Variants in BCAS3 observed in about 807,000 individuals in gnomAD.
The protein encoded by BCAS3 is BCAS4/BCAS3 fusion.
Under a neutral mutation model 116.1 loss-of-function variants are expected in BCAS3, and 53 were observed. That is an observed-to-expected ratio of 0.46 (90% CI 0.37 to 0.57). BCAS3 has a LOEUF of 0.57. Among genes scored for constraint, BCAS3 ranks in the 20% least tolerant of loss-of-function variants. The pLI is 0.00. For missense variants in BCAS3, 917 were observed against 1,165.4 expected (o/e 0.79, Z 3.10); for synonymous variants, 391 against 408.2 (o/e 0.96, Z 0.51).
intron 22 of BCAS3, among the ~76,000 whole-genome samples, chr17:61,195,493 G>A (rs575375074): frequency 3.3e-5 from 5 of 152,092 alleles, no homozygotes; most frequent in African/African-American, 1.2e-4. Context: ...CCAAGTAGCT[G>A]GGACTGTAGG....
Position 61,392,098 on chromosome 17 carries a change from C to T in BCAS3, c.2715C>T (p.Leu905=), listed in dbSNP as rs2060164952. The T allele has an allele frequency of 1.2e-6, 2 of 1,613,664 alleles. No homozygotes were observed. The highest frequency in any genetic ancestry group is 1.7e-6 in the Non-Finnish European group (2 of 1,179,976). ...SPLPTNESQP[L]SLFPTGFP ...TGCCCACCAATGAGAGCCAGCCCCT[C>T]AGCCTCTTCCCGACTGGCTTCCCGT... The change falls in exon 24 of 24, where the codon CTC becomes CTT. Residue 905 remains leucine (L), a synonymous_variant. Transcript: ENST00000407086. This position sits in a 1 kb window ranked among gnomAD's most constrained non-coding sequence, Gnocchi z 6.4.
Position 60,738,840 on chromosome 17 carries a change from C to T in BCAS3, c.322-8358C>T, listed in dbSNP as rs938501874. On this transcript the variant is annotated intron_variant, in intron 5 of 23. Transcript: ENST00000407086. Reference sequence around the variant, plus strand: ...GCATGAACATAGCTCACTGTAGCCTCGAACTCCTGGGCTTAATTGATCCTC... The same window carrying T: ...GCATGAACATAGCTCACTGTAGCCTTGAACTCCTGGGCTTAATTGATCCTC... Among the ~76,000 whole-genome samples the T allele has an allele frequency of 4.6e-5, 7 of 152,146 alleles. No homozygotes were observed. The South Asian group carries it at 8.3e-4, about 18-fold the overall frequency.
Position 61,244,491 on chromosome 17 carries a change from T to TA in BCAS3, c.2426-123832dup, listed in dbSNP as rs1475848180. 1.3e-5 allele frequency among the ~76,000 whole-genome samples: 2 copies of TA among 152,190 alleles called. No individual in the cohort carries two copies. Among genetic ancestry groups the TA allele is most frequent in the Non-Finnish European group, 2.9e-5 (2 of 68,038 alleles). ...TGTGTTACAAAAGAATAACAATAGG[T>TA]AAAATTCAGAGTATTATTTTAATTT... On this transcript the variant is annotated intron_variant, in intron 22 of 23. Transcript: ENST00000407086. This position sits in a 1 kb window ranked among gnomAD's most constrained non-coding sequence, Gnocchi z 4.9.
rs1188522900 is a variant in BCAS3 at position 61,140,213 on chromosome 17, G to T, written c.2425+55649G>T. ...GATCACACCACTGCACTCCAGCCTG[G>T]GTGACAGAGCAAGACTCCATCTCAA... On this transcript the variant is annotated intron_variant, in intron 22 of 23. Transcript: ENST00000407086. This position sits in a 1 kb window ranked among gnomAD's most constrained non-coding sequence, Gnocchi z 4.2. 6.6e-6 allele frequency among the ~76,000 whole-genome samples: 1 copy of T among 152,144 alleles called. No homozygotes were observed. The highest frequency in any genetic ancestry group is 6.5e-5 in the Admixed American group (1 of 15,272).
At chr17:61,284,245 C>T (rs186071561) in intron 22 of BCAS3, among the ~76,000 whole-genome samples, 1 of 152,238 alleles carries the variant, frequency 6.6e-6, no homozygotes, top group East Asian at 1.9e-4. Context: ...CACCAGCAGT[C>T]GCAAACCTGC....
In BCAS3 at chr17:61,131,506, A is replaced by T. The variant is rs1382300667; in HGVS notation, c.2425+46942A>T. Among the ~76,000 whole-genome samples, 1 of 152,278 alleles carries T rather than the reference A, an allele frequency of 6.6e-6. No individual in the cohort carries two copies. The highest frequency in any genetic ancestry group is 6.5e-5 in the Admixed American group (1 of 15,292). On this transcript the variant is annotated intron_variant, in intron 22 of 23. Coordinates refer to ENST00000407086, the MANE Select transcript of BCAS3 (RefSeq NM_017679.5). The surrounding 1 kb of genome is among the most constrained non-coding windows in gnomAD (Gnocchi z 4.4). ...TACGCTTAAAATGAAATTATATTCC[A>T]AACTCATAATTAAGTATGAACAATT...
rs181984500 is a variant in BCAS3 at position 60,988,557 on chromosome 17, A to G, written c.1222-1414A>G. ...TTTTCTTTGCTGGGAGACTTATTAC[A>G]TCTTCAGTCGCATTACTTGTTACTG... is the stretch of plus-strand genomic sequence containing the variant. On this transcript the variant is annotated intron_variant, in intron 14 of 23. Transcript: ENST00000407086. 3.3e-5 allele frequency among the ~76,000 whole-genome samples: 5 copies of G among 151,996 alleles called. No homozygotes were observed. The East Asian group carries it at 5.8e-4, about 18-fold the overall frequency.
At chr17:61,099,769 A>T (rs1601227022) in intron 22 of BCAS3, among the ~76,000 whole-genome samples, 1 of 152,218 alleles carries the variant, frequency 6.6e-6, no homozygotes, top group East Asian at 1.9e-4. Context: ...AAAAGAATGG[A>T]CAGGCTTTTG....
chr17:61,093,813 G>T (rs2073788814), intron 22 of BCAS3, among the ~76,000 whole-genome samples: 1 of 152,018 alleles, frequency 6.6e-6, no homozygotes, highest in Non-Finnish European at 1.5e-5. Context: ...TAGATGTTTA[G>T]TAAGTTTTGA....
intron 22 of BCAS3, among the ~76,000 whole-genome samples, chr17:61,091,988 C>T (rs1023264726): frequency 8.5e-5 from 13 of 152,150 alleles, no homozygotes; most frequent in Non-Finnish European, 1.5e-4. Context: ...AGAATATTTC[C>T]GTCAACCCAG....
At chr17:61,328,584 G>C (rs1011522684) in intron 22 of BCAS3, among the ~76,000 whole-genome samples, 1 of 152,110 alleles carries the variant, frequency 6.6e-6, no homozygotes, top group Non-Finnish European at 1.5e-5. Flanking sequence ...CTGGCAACAT[G>C]GCGAAACTCC....
chr17:61,024,676 T>A (rs138711854), intron 16 of BCAS3, among the ~76,000 whole-genome samples: 109 of 152,094 alleles, frequency 7.2e-4, no homozygotes, highest in Middle Eastern at 6.8e-3. Context: ...ATATTTTTCT[T>A]TGGCTAACGT....
chr17:60,695,770 T>A (rs939726939), intron 4 of BCAS3, among the ~76,000 whole-genome samples: 3 of 152,026 alleles, frequency 2.0e-5, no homozygotes, highest in African/African-American at 7.2e-5. Context: ...AGCTTATTTT[T>A]AAATTTTTTG....
At chr17:61,179,088 T>C (rs1453165459) in intron 22 of BCAS3, among the ~76,000 whole-genome samples, 1 of 152,002 alleles carries the variant, frequency 6.6e-6, no homozygotes, top group African/African-American at 2.4e-5. Context: ...TAGCATTTTT[T>C]ATTAAAAAAA....
In BCAS3 at chr17:61,235,434, C is replaced by T. The variant is rs114943942; in HGVS notation, c.2426-132893C>T. Among the ~76,000 whole-genome samples the T allele has an allele frequency of 0.011, 1,671 of 152,260 alleles. 35 individuals carry two copies. The highest frequency in any genetic ancestry group is 0.036 in the African/African-American group (1,497 of 41,544). Reference sequence around the variant, plus strand: ...GATTGAGCCACTCGAGTTGCTTATGCATGAATGTGCTTGTTTAGCAGGTAG... The same window carrying T: ...GATTGAGCCACTCGAGTTGCTTATGTATGAATGTGCTTGTTTAGCAGGTAG... On this transcript the variant is annotated intron_variant, in intron 22 of 23. Transcript: ENST00000407086. This position sits in a 1 kb window ranked among gnomAD's most constrained non-coding sequence, Gnocchi z 5.0.
chr17:61,128,956 T>C lies in BCAS3; in HGVS notation c.2425+44392T>C, dbSNP rs578239217. On this transcript the variant is annotated intron_variant, in intron 22 of 23. Transcript: ENST00000407086. This position sits in a 1 kb window ranked among gnomAD's most constrained non-coding sequence, Gnocchi z 4.1. The stretch of plus-strand genomic sequence containing the variant: ...AGGTGGAGAGGGGGACAGGGCTATA[T>C]TGAGTTCTCCGCAGTTTTCTAACAG... Among the ~76,000 whole-genome samples, 2 of 152,206 alleles carry C rather than the reference T, an allele frequency of 1.3e-5. No individual in the cohort carries two copies. The highest frequency in any genetic ancestry group is 2.9e-5 in the Non-Finnish European group (2 of 68,032).
At chr17:61,236,361 C>T (rs970053342) in intron 22 of BCAS3, among the ~76,000 whole-genome samples, 3 of 152,130 alleles carry the variant, frequency 2.0e-5, no homozygotes, top group African/African-American at 7.2e-5. Flanking sequence ...GCTCTGTCAC[C>T]CAGGCTGGAG....
chr17:61,226,734 AT>A lies in BCAS3; in HGVS notation c.2426-141592del, dbSNP rs2082391272. Among the ~76,000 whole-genome samples the A allele has an allele frequency of 6.6e-6, 1 of 152,136 alleles. No individual in the cohort carries two copies. The highest frequency in any genetic ancestry group is 6.5e-5 in the Admixed American group (1 of 15,274). On this transcript the variant is annotated intron_variant, in intron 22 of 23. Transcript: ENST00000407086. The surrounding 1 kb of genome is among the most constrained non-coding windows in gnomAD (Gnocchi z 6.0). ...TTAGAAACCTTTAATTGACTACCTA[AT>A]ATGTGCCAGATACCCATAGCTTTAC...
chr17:61,034,419 T>G lies in BCAS3; in HGVS notation c.1638-247T>G, dbSNP rs1386308923. Among the ~76,000 whole-genome samples, 1 of 152,202 alleles carries G rather than the reference T, an allele frequency of 6.6e-6. No individual in the cohort carries two copies. Among genetic ancestry groups the G allele is most frequent in the East Asian group, 1.9e-4 (1 of 5,192 alleles). On this transcript the variant is annotated intron_variant, in intron 16 of 23. Transcript: ENST00000407086. This position sits in a 1 kb window ranked among gnomAD's most constrained non-coding sequence, Gnocchi z 5.0. The stretch of plus-strand genomic sequence containing the variant: ...TGACTTGGATTTTGCCAGCACATAC[T>G]TCAAAAAGGAGTTGATTTTTATTGG...
Sources: gnomAD v4.1 joint callset for allele counts (sites outside exome capture counted in the v4.1 genomes callset) on GRCh38, gnomAD v4.1.1 for gene constraint, Gnocchi (gnomAD v3.1) non-coding constraint, MANE v1.5 for transcripts, NCBI Gene and HGNC (gene_info 2026-07-23, HGNC 2026-07-21) for gene names.